ANO2: variants seen among roughly 807,000 people sequenced by gnomAD.
ANO2 encodes anoctamin 2, also known as anoctamin-2.
Under a neutral mutation model 124.2 loss-of-function variants are expected in ANO2, and 101 were observed. The ratio of observed to expected loss-of-function variants is 0.81; its 90% CI spans 0.69 to 0.96. The LOEUF (loss-of-function observed/expected upper bound fraction) is 0.96, where lower values mean the gene tolerates loss of function less well. Among genes scored for constraint, ANO2 ranks in the 40% least tolerant of loss-of-function variants. The probability of loss-of-function intolerance (pLI) is 0.00; values close to 1 mark genes in which losing one functional copy is unlikely to be tolerated. For missense variants in ANO2, 1,293 were observed against 1,274.5 expected (o/e 1.01, Z -0.22); for synonymous variants, 486 against 482.5 (o/e 1.01, Z -0.09).
chr12:5,585,211 G>A (rs560062355), intron 20 of ANO2, among the ~76,000 whole-genome samples: 1 of 152,048 alleles, frequency 6.6e-6, no homozygotes. Flanking sequence ...GGTAGTTAAG[G>A]TCGTTCCTGC....
intron 1 of ANO2, among the ~76,000 whole-genome samples, chr12:5,927,460 G>A (rs1430182722): frequency 3.3e-5 from 5 of 152,166 alleles, no homozygotes; most frequent in African/African-American, 1.2e-4. Flanking sequence ...GAAAAAACAG[G>A]TGAAGCCTGT....
chr12:5,627,750 G>T (rs1184828021), intron 16 of ANO2, among the ~76,000 whole-genome samples: 2 of 151,916 alleles, frequency 1.3e-5, no homozygotes, highest in Non-Finnish European at 1.5e-5. Flanking sequence ...ATAATATATT[G>T]CCTTTTGCTA....
chr12:5,578,327 A>C, intron 21 of ANO2, 39 bp downstream of exon 21: 1 of 1,599,630 alleles, frequency 6.3e-7, no homozygotes, highest in Non-Finnish European at 8.5e-7. Context: ...AGAATGGCAG[A>C]AGGATGGGCC....
intron 7 of ANO2, among the ~76,000 whole-genome samples, chr12:5,813,059 GGAA>G (rs2137185532): frequency 7.5e-6 from 1 of 133,986 alleles, no homozygotes; most frequent in Admixed American, 7.9e-5. Flanking sequence ...GAAAGAGGAA[GGAA>G]GGAAGACGAA....
intron 3 of ANO2, among the ~76,000 whole-genome samples, chr12:5,903,676 T>TGGGGGG (rs33910793): frequency 3.3e-5 from 5 of 149,696 alleles, no homozygotes; most frequent in African/African-American, 1.3e-4. Context: ...TGTGTGTGTG[T>TGGGGGG]GGGTGTAGAC....
chr12:5,862,370 G>C lies in ANO2; in HGVS notation c.535-8229C>G, dbSNP rs1955296407. Among the ~76,000 whole-genome samples the C allele has an allele frequency of 6.6e-6, 1 of 152,110 alleles. No homozygotes were observed. The highest frequency in any genetic ancestry group is 2.1e-4 in the South Asian group (1 of 4,818). Reference sequence around the variant, plus strand: ...CACCTGGTTCCCAACCAACGACCAGGGACAACCCAGGGTCCTATGGACATG... The same window carrying C: ...CACCTGGTTCCCAACCAACGACCAGCGACAACCCAGGGTCCTATGGACATG... On this transcript the variant is annotated intron_variant, in intron 3 of 24. Coordinates refer to ENST00000682330, the MANE Select transcript of ANO2 (RefSeq NM_001364791.2). This position sits in a 1 kb window ranked among gnomAD's most constrained non-coding sequence, Gnocchi z 4.0.
rs1947713457 is a variant in ANO2 at position 5,666,320 on chromosome 12, T to G, written c.1546-18519A>C. ...TTGTTCATCATGCAGTAGAGAAACA[T>G]TGATGGTAGGGAAGGAGTGAAGACA... is the stretch of plus-strand genomic sequence containing the variant. On this transcript the variant is annotated intron_variant, in intron 14 of 24. Coordinates refer to ENST00000682330, the MANE Select transcript of ANO2 (RefSeq NM_001364791.2). Among the ~76,000 whole-genome samples, 3 of 152,276 alleles carry G rather than the reference T, an allele frequency of 2.0e-5. No homozygotes were observed. The South Asian group carries it at 6.2e-4, about 32-fold the overall frequency.
chr12:5,822,081 C>G (rs1953817793), intron 7 of ANO2, among the ~76,000 whole-genome samples: 1 of 152,178 alleles, frequency 6.6e-6, no homozygotes, highest in Non-Finnish European at 1.5e-5. Context: ...CAGCCCCTTT[C>G]TAGGACATCC....
At chr12:5,748,878 A>G (rs2137089280) in intron 11 of ANO2, among the ~76,000 whole-genome samples, 1 of 151,606 alleles carries the variant, frequency 6.6e-6, no homozygotes, top group East Asian at 1.9e-4. Flanking sequence ...TCCAAAAAAA[A>G]AAAAAAAAAA....
At chr12:5,697,542 G>A (rs1431667281) in intron 14 of ANO2, among the ~76,000 whole-genome samples, 2 of 152,250 alleles carry the variant, frequency 1.3e-5, no homozygotes, top group Non-Finnish European at 2.9e-5. Context: ...GCAGAAGACG[G>A]ATGATTTCTG....
intron 4 of ANO2, among the ~76,000 whole-genome samples, chr12:5,838,318 G>A (rs1161944188): frequency 1.3e-5 from 2 of 152,304 alleles, no homozygotes; most frequent in East Asian, 3.9e-4. Flanking sequence ...AGTGTGGAAG[G>A]CCAGAGTCCC....
At chr12:5,755,235 C>T (rs1426758076) in intron 10 of ANO2, among the ~76,000 whole-genome samples, 1 of 151,772 alleles carries the variant, frequency 6.6e-6, no homozygotes, top group African/African-American at 2.4e-5. Context: ...TCTCTCCTCA[C>T]CTGCAAGGTT....
chr12:5,573,554 G>A (rs541546334), intron 23 of ANO2, among the ~76,000 whole-genome samples: 11 of 152,284 alleles, frequency 7.2e-5, no homozygotes, highest in African/African-American at 2.2e-4. Flanking sequence ...GAACTATGTC[G>A]CTGGGGTCTG....
Position 5,841,963 on chromosome 12 carries a change from G to A in ANO2, c.634-9360C>T, listed in dbSNP as rs151143334. Among the ~76,000 whole-genome samples, 1,166 of 152,230 alleles carry A rather than the reference G, an allele frequency of 7.7e-3. 20 individuals are homozygous for A. Among genetic ancestry groups the A allele is most frequent in the African/African-American group, 0.025 (1,055 of 41,532 alleles). ...TAGCTCGCTGCAGCCTCAACCTCCTGGGCTCAAGTGATTTTCCCACCTCGG... is the reference window on the plus strand; with the variant it reads ...TAGCTCGCTGCAGCCTCAACCTCCTAGGCTCAAGTGATTTTCCCACCTCGG... On this transcript the variant is annotated intron_variant, in intron 4 of 24. Coordinates refer to ENST00000682330, the MANE Select transcript of ANO2 (RefSeq NM_001364791.2).
intron 10 of ANO2, among the ~76,000 whole-genome samples, chr12:5,766,786 A>G (rs1951904024): frequency 6.6e-6 from 1 of 152,228 alleles, no homozygotes; most frequent in East Asian, 1.9e-4. Context: ...AGGCCAGACT[A>G]CATTCAGTTC....
rs145876161 is a variant in ANO2 at position 5,624,023 on chromosome 12, C to T, written c.1817-8726G>A. 6.4e-3 allele frequency among the ~76,000 whole-genome samples: 973 copies of T among 152,200 alleles called. 7 individuals carry two copies. Among genetic ancestry groups the T allele is most frequent in the African/African-American group, 0.021 (892 of 41,506 alleles). ...CATGACCTGAGGGAGCTGAAAGCCC[C>T]TGAACTGGGGATCTAGAGGGTGTGC... On this transcript the variant is annotated intron_variant, in intron 16 of 24. Transcript: ENST00000682330.
chr12:5,811,263 G>A (rs1002369887), intron 7 of ANO2, among the ~76,000 whole-genome samples: 4 of 152,220 alleles, frequency 2.6e-5, no homozygotes, highest in East Asian at 1.9e-4. Flanking sequence ...CCAGCCGGAC[G>A]TAAATCTAAA....
chr12:5,859,952 C>T (rs1285593784), intron 3 of ANO2, among the ~76,000 whole-genome samples: 1 of 152,168 alleles, frequency 6.6e-6, no homozygotes, highest in Non-Finnish European at 1.5e-5. Context: ...TGAACCTGTG[C>T]CCTGCCCAGT....
At chr12:5,839,350 C>T (rs184151305) in intron 4 of ANO2, among the ~76,000 whole-genome samples, 1 of 152,254 alleles carries the variant, frequency 6.6e-6, no homozygotes, top group Admixed American at 6.5e-5. Context: ...TGAAAGGGAA[C>T]AGCACTTATG....
Sources: gnomAD v4.1 joint callset for allele counts (sites outside exome capture counted in the v4.1 genomes callset) on GRCh38, gnomAD v4.1.1 for gene constraint, Gnocchi (gnomAD v3.1) non-coding constraint, MANE v1.5 for transcripts, NCBI Gene and HGNC (gene_info 2026-07-23, HGNC 2026-07-21) for gene names.